STRA6: variants seen among roughly 807,000 people sequenced by gnomAD.
STRA6 encodes receptor for retinol uptake STRA6.
In STRA6, 48 loss-of-function variants were observed where a neutral mutation model predicts 83.6. The observed-to-expected ratio is 0.57, with a 90% confidence interval of 0.46 to 0.73. STRA6 has a LOEUF of 0.73. Among genes scored for constraint, STRA6 ranks in the 30% least tolerant of loss-of-function variants. The probability of loss-of-function intolerance (pLI) is 0.00; values close to 1 mark genes in which losing one functional copy is unlikely to be tolerated. For synonymous variants in STRA6, 353 were observed against 362.3 expected, an observed-to-expected ratio of 0.97 and a Z score of 0.29; for missense variants, 760 against 838.8, an observed-to-expected ratio of 0.91 and a Z score of 1.16.
intron 2 of STRA6, among the ~76,000 whole-genome samples, chr15:74,201,242 A>AT (rs1233456163): frequency 2.6e-5 from 4 of 152,052 alleles, no homozygotes; most frequent in South Asian, 2.1e-4. Flanking sequence ...GCACGCAAGG[A>AT]TTTTTCCTTC....
At chr15:74,181,800 C>T (rs930623788) in intron 16 of STRA6, among the ~76,000 whole-genome samples, 2 of 152,138 alleles carry the variant, frequency 1.3e-5, no homozygotes, top group African/African-American at 4.8e-5. Flanking sequence ...TTCCAAGTTC[C>T]CCTGGGAGCC....
intron 3 of STRA6, 29 bp from the exon 4 acceptor site, chr15:74,197,452 G>C: frequency 6.5e-7 from 1 of 1,536,692 alleles, no homozygotes; most frequent in Non-Finnish European, 8.8e-7. Context: ...GGAGGGCTTG[G>C]GGTGCCCAGG....
At chr15:74,209,380 A>G (rs2074332544), upstream of STRA6, 2 of 1,534,412 alleles carry the variant, frequency 1.3e-6, no homozygotes, top group Non-Finnish European at 1.7e-6. Flanking sequence ...CCCATCCATC[A>G]CTCCCAGGGG....
chr15:74,195,578 G>C, intron 6 of STRA6, 74 bp downstream of exon 6: 1 of 1,563,182 alleles, frequency 6.4e-7, no homozygotes, highest in Non-Finnish European at 8.7e-7. Flanking sequence ...CCTTCAGCAC[G>C]TTCAGTGGGC....
At chr15:74,197,994 CG>C (rs1805311969) in intron 2 of STRA6, 176 bp from the exon 3 acceptor site, 3 of 690,150 alleles carry the variant, frequency 4.3e-6, no homozygotes. Context: ...CTGGGGCCCT[CG>C]TGTCCCTGTG....
rs746253362 is a variant in STRA6 at position 74,189,181 on chromosome 15, T to C, written c.1024A>G (p.Ile342Val). The change falls in exon 12 of 19, where the codon ATC becomes GTC. Residue 342 changes from isoleucine (I) to valine (V), a missense_variant. By Grantham distance (29) the Ile-to-Val change is conservative. Coordinates refer to ENST00000395105, the MANE Select transcript of STRA6 (RefSeq NM_022369.4). ...DVSYLLAGFG[I>V]VLSEDKQEVV... ...TCCTGCTTGTCCTCGGAGAGCACGA[T>C]TCCAAAGCCGGCCAGCAGGTAGGAG... 1 of 1,614,078 alleles carries C rather than the reference T, an allele frequency of 6.2e-7. No individual in the cohort carries two copies. The highest frequency in any genetic ancestry group is 1.3e-5 in the African/African-American group (1 of 75,028).
chr15:74,205,362 G>T (rs113761445), upstream of STRA6, among the ~76,000 whole-genome samples: 2 of 152,182 alleles, frequency 1.3e-5, no homozygotes, highest in South Asian at 4.1e-4. Context: ...TCTGGGGAGG[G>T]CCTCAGGAAA....
At chr15:74,197,192 G>A (rs1459316091) in intron 4 of STRA6, 146 bp downstream of exon 4, 9 of 636,774 alleles carry the variant, frequency 1.4e-5, no homozygotes, top group Non-Finnish European at 2.5e-5. Context: ...ACCTAGGTGG[G>A]GGTGAGGAAA....
upstream of STRA6, chr15:74,209,668 T>G (rs2074340342): frequency 3.7e-6 from 2 of 546,710 alleles, no homozygotes; most frequent in Non-Finnish European, 6.5e-6. Context: ...CCTCCAACGC[T>G]GCTGGACAGT....
At chr15:74,200,322 G>T (rs1005716240) in intron 2 of STRA6, among the ~76,000 whole-genome samples, 1 of 152,218 alleles carries the variant, frequency 6.6e-6, no homozygotes, top group Non-Finnish European at 1.5e-5. Context: ...AGAGGCAGGC[G>T]ACAGGCAGCG....
chr15:74,197,973 T>A (rs2073898613), intron 2 of STRA6, 155 bp from the exon 3 acceptor site: 2 of 770,258 alleles, frequency 2.6e-6, no homozygotes, highest in African/African-American at 3.4e-5. Context: ...TCCCACCTTC[T>A]CAGGGTCATT....
chr15:74,195,492 G>A (rs749917562), intron 6 of STRA6, 24 bp from the exon 7 acceptor site: 16 of 1,611,156 alleles, frequency 9.9e-6, no homozygotes, highest in Non-Finnish European at 1.4e-5. Context: ...CAAGCAGAGA[G>A]ACCCATGCTG....
Position 74,184,526 on chromosome 15 carries a change from G to A in STRA6, c.1166+454C>T, listed in dbSNP as rs143120883. Among the ~76,000 whole-genome samples the A allele has an allele frequency of 2.9e-3, 438 of 152,262 alleles. 1 individual carries two copies. The highest frequency in any genetic ancestry group is 9.8e-3 in the African/African-American group (409 of 41,548). The stretch of plus-strand genomic sequence containing the variant: ...CAAGCAAGGTGGCATGGCGAGACCC[G>A]TACCACCTCTCCAGTGTGCTATGCC... On this transcript the variant is annotated intron_variant, in intron 13 of 18. Transcript: ENST00000395105.
In STRA6 at chr15:74,180,978, G is replaced by T. The variant is rs368054808; in HGVS notation, c.1685-41C>A. On this transcript the variant is annotated intron_variant, in intron 17 of 18. Coordinates refer to ENST00000395105, the MANE Select transcript of STRA6 (RefSeq NM_022369.4). ...GGATGGCAATGCTGGGGGAGCAGGG[G>T]CCACACTGGAGGCATCCAGACATCC... 2.7e-5 allele frequency: 43 copies of T among 1,611,092 alleles called. No individual in the cohort carries two copies. The African/African-American group carries it at 4.8e-4, about 18-fold the overall frequency.
rs773776538 is a variant in STRA6 at position 74,185,059 on chromosome 15, G to A, written c.1091-4C>T. The A allele has an allele frequency of 1.9e-6, 3 of 1,613,836 alleles. No homozygotes were observed. Among genetic ancestry groups the A allele is most frequent in the East Asian group, 2.2e-5 (1 of 44,872 alleles). ...ACCAAGGCTGAGATGTAGCACACTG[G>A]TGGGCAGAGAATGAGCAAAGTGAGA... On this transcript the variant is annotated splice_polypyrimidine_tract_variant and splice_region_variant and intron_variant, in intron 12 of 18. Coordinates refer to ENST00000395105, the MANE Select transcript of STRA6 (RefSeq NM_022369.4).
chr15:74,191,143 C>A, intron 10 of STRA6, 24 bp downstream of exon 10: 1 of 1,612,980 alleles, frequency 6.2e-7, no homozygotes, highest in South Asian at 1.1e-5. Context: ...CTGTCACGCT[C>A]GGCCTCAGCT....
chr15:74,190,922 A>T, intron 10 of STRA6, 21 bp from the exon 11 acceptor site: 1 of 1,614,082 alleles, frequency 6.2e-7, no homozygotes, highest in Non-Finnish European at 8.5e-7. Flanking sequence ...CAAAGGAAGG[A>T]GTATGGTGAA....
upstream of STRA6, among the ~76,000 whole-genome samples, chr15:74,205,021 G>A (rs979261773): frequency 7.2e-5 from 11 of 152,198 alleles, no homozygotes; most frequent in East Asian, 3.8e-4. Flanking sequence ...GTTTGGCAGC[G>A]AGCAAGATGA....
upstream of STRA6, chr15:74,203,161 TCTC>T (rs1288807595): frequency 1.0e-5 from 10 of 985,360 alleles, no homozygotes; most frequent in Non-Finnish European, 8.4e-6. Flanking sequence ...GTCCGTTTCT[TCTC>T]CTAGGGTTTC....
Sources: gnomAD v4.1 joint callset for allele counts (sites outside exome capture counted in the v4.1 genomes callset) on GRCh38, gnomAD v4.1.1 for gene constraint, MANE v1.5 for transcripts, NCBI Gene and HGNC (gene_info 2026-07-23, HGNC 2026-07-21) for gene names.